Variants in VRK3 observed in about 807,000 individuals in gnomAD.
VRK3 encodes the protein serine/threonine-protein kinase VRK3.
A neutral mutation model predicts 60.4 loss-of-function variants in VRK3; 50 were observed. That is an observed-to-expected ratio of 0.83 (90% CI 0.66 to 1.05). VRK3 has a LOEUF of 1.05. VRK3 is among the 50% of genes least tolerant of loss of function. VRK3 has a pLI of 0.00. For missense variants in VRK3, 549 were observed against 585.3 expected, an observed-to-expected ratio of 0.94 and a Z score of 0.64; for synonymous variants, 246 against 227.8, an observed-to-expected ratio of 1.08 and a Z score of -0.72.
At chr19:50,002,420 G>T (rs538672299) in intron 5 of VRK3, among the ~76,000 whole-genome samples, 1 of 152,086 alleles carries the variant, frequency 6.6e-6, no homozygotes, top group Non-Finnish European at 1.5e-5. Flanking sequence ...GAGAGCACTG[G>T]GGGGATCATG....
chr19:50,009,477 T>C, intron 3 of VRK3, 92 bp from the exon 4 acceptor site: 5 of 1,474,922 alleles, frequency 3.4e-6, no homozygotes, highest in Non-Finnish European at 4.6e-6. Context: ...TACTCAGCTA[T>C]GCTGTTCTCT....
chr19:50,001,097 G>A, intron 5 of VRK3: 1 of 456,478 alleles, frequency 2.2e-6, no homozygotes, highest in Non-Finnish European at 3.9e-6. Context: ...GGCTCTCCTG[G>A]CAAGGTCTGG....
intron 3 of VRK3, among the ~76,000 whole-genome samples, chr19:50,011,495 A>G (rs781222560): frequency 3.3e-5 from 5 of 152,146 alleles, no homozygotes; most frequent in African/African-American, 4.8e-5. Context: ...CATTTTCCAC[A>G]CAGAGAAGCC....
chr19:50,022,708 C>A (rs367696155), intron 1 of VRK3, among the ~76,000 whole-genome samples: 1 of 152,042 alleles, frequency 6.6e-6, no homozygotes, highest in African/African-American at 2.4e-5. Flanking sequence ...GCGCAAGAGT[C>A]GCTTGAACCT....
chr19:50,003,295 C>T (rs939283205), intron 5 of VRK3, among the ~76,000 whole-genome samples: 4 of 152,212 alleles, frequency 2.6e-5, no homozygotes, highest in Admixed American at 2.0e-4. Context: ...GACTTCTGGC[C>T]TCCAGAGCTG....
chr19:49,985,045 TAGTG>T (rs2076488649), intron 12 of VRK3, among the ~76,000 whole-genome samples: 1 of 152,198 alleles, frequency 6.6e-6, no homozygotes, highest in Non-Finnish European at 1.5e-5. Flanking sequence ...TTGGGACTGT[TAGTG>T]AGAGGAGTGA....
intron 12 of VRK3, among the ~76,000 whole-genome samples, chr19:49,985,679 G>A (rs1248466302): frequency 1.3e-5 from 2 of 152,152 alleles, no homozygotes; most frequent in Non-Finnish European, 2.9e-5. Flanking sequence ...TCCCGCAATA[G>A]GATGTGAGCT....
chr19:50,002,610 T>C (rs1408579992), intron 5 of VRK3, among the ~76,000 whole-genome samples: 1 of 152,172 alleles, frequency 6.6e-6, no homozygotes, highest in Non-Finnish European at 1.5e-5. Context: ...CTTTGCAGAT[T>C]ATAAAAAGCT....
At chr19:50,014,955 G>C (rs2077051575) in intron 3 of VRK3, among the ~76,000 whole-genome samples, 1 of 152,162 alleles carries the variant, frequency 6.6e-6, no homozygotes, top group African/African-American at 2.4e-5. Flanking sequence ...GGGAGGTGCG[G>C]AGAAGGAAGT....
chr19:49,976,793 C>T lies in VRK3; in HGVS notation c.*12-9G>A, dbSNP rs1300050277. ...ACTGCAAATGGAAAGTTCTGGAAGA[C>T]AATAAAAATGCTGTTAGTGTCTCAT... On this transcript the variant is annotated splice_polypyrimidine_tract_variant and intron_variant, in intron 14 of 14. Transcript: ENST00000316763. 2.0e-5 allele frequency: 3 copies of T among 151,976 alleles called. No individual in the cohort carries two copies. The highest frequency in any genetic ancestry group is 2.9e-5 in the Non-Finnish European group (2 of 67,982). 9.4% of individuals were successfully genotyped at this position (151,976 alleles called of 1,614,324 possible). A position where few individuals can be genotyped will look rare whatever the true frequency, so the allele number is the denominator to read the frequency against.
Position 50,007,713 on chromosome 19 carries a change from G to A in VRK3, c.403C>T (p.Gln135Ter). The A allele has an allele frequency of 1.2e-6, 2 of 1,614,064 alleles. No homozygotes were observed. Among genetic ancestry groups the A allele is most frequent in the Non-Finnish European group, 1.7e-6 (2 of 1,180,014 alleles). Residue 135 changes from glutamine to a stop codon, truncating the protein, a stop_gained, in exon 5 of 15, where the codon CAG becomes TAG. Coordinates refer to ENST00000316763, the MANE Select transcript of VRK3 (RefSeq NM_016440.4). LOFTEE classifies it high-confidence loss of function. ...KTSCSPQKTR[Q>*]SPQTLKRSRV... The stretch of plus-strand genomic sequence containing the variant: ...CTCCGCTTCAGCGTCTGAGGGCTCT[G>A]CCTGGTCTTCTGAGGGCTACAGCTG...
At chr19:50,020,074 C>G (rs1316433238) in intron 2 of VRK3, among the ~76,000 whole-genome samples, 2 of 150,372 alleles carry the variant, frequency 1.3e-5, no homozygotes, top group African/African-American at 4.9e-5. Context: ...GACTTTTGCT[C>G]TTGTTGCCCA....
chr19:50,006,508 T>C (rs2076894718), intron 5 of VRK3, among the ~76,000 whole-genome samples: 1 of 151,666 alleles, frequency 6.6e-6, no homozygotes, highest in Admixed American at 6.6e-5. Context: ...CCCAAGTAGC[T>C]GGGACTACAG....
At chr19:50,016,242 T>C (rs2077075964) in intron 2 of VRK3, 79 bp from the exon 3 acceptor site, 5 of 1,576,788 alleles carry the variant, frequency 3.2e-6, no homozygotes, top group Non-Finnish European at 4.3e-6. Flanking sequence ...CTGCTCTTAA[T>C]CACAGGGTGA....
At chr19:50,001,086 C>T (rs73935126) in intron 5 of VRK3, 9,819 of 476,494 alleles carry the variant, frequency 0.021, 820 homozygotes, top group African/African-American at 0.18. Flanking sequence ...AGGCCTGAGA[C>T]GGCTCTCCTG....
At chr19:50,022,849 C>T (rs1384856264) in intron 1 of VRK3, among the ~76,000 whole-genome samples, 1 of 152,250 alleles carries the variant, frequency 6.6e-6, no homozygotes, top group East Asian at 1.9e-4. Flanking sequence ...CTCCTCTACT[C>T]AAAACCGTAT....
rs1201467844 is a variant in VRK3, at chr19:49,979,240, T to A, written c.1279A>T (p.Thr427Ser). 6.2e-7 allele frequency: 1 copy of A among 1,613,798 alleles called. No homozygotes were observed. The highest frequency in any genetic ancestry group is 8.5e-7 in the Non-Finnish European group (1 of 1,179,992). ...PCGHWIRPSE[T>S]LQKYLKVVMA... The stretch of plus-strand genomic sequence containing the variant: ...ACCACCTTCAGGTACTTCTGCAGGG[T>A]CTCTGTGGTCAAGACAACCCCCAGC... Residue 427 changes from threonine to serine, a missense_variant and splice_region_variant, in exon 14 of 15, where the codon ACC becomes TCC. By Grantham distance (58) the Thr-to-Ser change is moderately conservative. Transcript: ENST00000316763.
chr19:49,981,931 G>T, intron 12 of VRK3: 1 of 731,590 alleles, frequency 1.4e-6, no homozygotes, highest in Non-Finnish European at 2.1e-6. Flanking sequence ...AGGTCATGCT[G>T]TGCCTGAGAG....
chr19:50,021,233 A>G (rs1387366873), intron 1 of VRK3, among the ~76,000 whole-genome samples: 1 of 152,140 alleles, frequency 6.6e-6, no homozygotes, highest in Non-Finnish European at 1.5e-5. Context: ...TCACATGACT[A>G]TTTCTGGTCC....
Sources: allele counts gnomAD v4.1 joint callset (sites outside exome capture counted in the v4.1 genomes callset), GRCh38; gene constraint gnomAD v4.1.1; transcripts MANE v1.5; gene names NCBI Gene and HGNC (gene_info 2026-07-23, HGNC 2026-07-21).